The following OSBPL6 variants were observed in gnomAD, a reference collection of about 807,000 sequenced individuals.
OSBPL6 encodes the protein oxysterol-binding protein-related protein 6.
Under a neutral mutation model 125.8 loss-of-function variants are expected in OSBPL6, and 49 were observed. The ratio of observed to expected loss-of-function variants is 0.39; its 90% confidence interval spans 0.31 to 0.49. OSBPL6 has a LOEUF of 0.49. Ranked by LOEUF, OSBPL6 falls within the 20% of genes least tolerant of loss-of-function variation. The pLI is 0.88. For synonymous variants in OSBPL6, 394 were observed against 391.8 expected (o/e 1.01, Z -0.07); for missense variants, 986 against 1,135.4 (o/e 0.87, Z 1.89).
At chr2:178,380,231 T>A (rs1020564282) in intron 15 of OSBPL6, among the ~76,000 whole-genome samples, 2 of 151,988 alleles carry the variant, frequency 1.3e-5, no homozygotes, top group Non-Finnish European at 2.9e-5. Context: ...GAAGGATTGC[T>A]TGAAGCTAGG....
chr2:178,339,172 T>A, intron 10 of OSBPL6, 78 bp downstream of exon 10: 1 of 788,878 alleles, frequency 1.3e-6, no homozygotes, highest in East Asian at 2.9e-5. Context: ...TATGAATATA[T>A]AAGGTAACAT....
intron 1 of OSBPL6, among the ~76,000 whole-genome samples, chr2:178,195,806 AT>A (rs60984895): frequency 0.45 from 67,808 of 151,014 alleles, 15,601 homozygotes; most frequent in East Asian, 0.73. Context: ...TTCAGTTGTG[AT>A]TTTTTTTTTC....
chr2:178,377,064 C>G (rs1261886297), intron 15 of OSBPL6, among the ~76,000 whole-genome samples: 2 of 152,194 alleles, frequency 1.3e-5, no homozygotes. Flanking sequence ...CTCATCTGCC[C>G]AAGTCTCTAA....
chr2:178,337,360 G>T (rs1015961390), intron 9 of OSBPL6, among the ~76,000 whole-genome samples: 2 of 152,032 alleles, frequency 1.3e-5, no homozygotes, highest in Admixed American at 6.5e-5. Flanking sequence ...CCAACCAAAA[G>T]AATTTTTTCT....
Position 178,257,537 on chromosome 2 carries a change from G to A in OSBPL6, c.-350-27390G>A, listed in dbSNP as rs16866191. On this transcript the variant is annotated intron_variant, in intron 1 of 24. Transcript: ENST00000190611. ...CTTCAACAAGGAATATGGCCTATGA[G>A]TAATTACAAATCCTCATTACTATGA... 4.4e-3 allele frequency among the ~76,000 whole-genome samples: 665 copies of A among 152,212 alleles called. 15 individuals are homozygous for A. In the East Asian group the frequency reaches 0.068, roughly 16 times the overall value.
chr2:178,327,343 C>T (rs12467053), intron 4 of OSBPL6, among the ~76,000 whole-genome samples: 26,159 of 152,072 alleles, frequency 0.17, 2,571 homozygotes, highest in Admixed American at 0.31. Context: ...TGAACACAAA[C>T]TTCCAAATCT....
At chr2:178,217,189 T>C (rs1358864553) in intron 1 of OSBPL6, among the ~76,000 whole-genome samples, 1 of 152,184 alleles carries the variant, frequency 6.6e-6, no homozygotes, top group Non-Finnish European at 1.5e-5. Flanking sequence ...TGCTGAAGAC[T>C]AAATAATCCA....
chr2:178,302,615 AAAC>A (rs1052237278), intron 2 of OSBPL6, among the ~76,000 whole-genome samples: 20 of 152,316 alleles, frequency 1.3e-4, no homozygotes, highest in African/African-American at 3.1e-4. Flanking sequence ...AAATTAATAG[AAAC>A]AACAACAATA....
chr2:178,344,319 A>G, intron 11 of OSBPL6: 1 of 1,614,040 alleles, frequency 6.2e-7, no homozygotes. Context: ...GTTCAGCACA[A>G]CTCGGCGCCG....
intron 3 of OSBPL6, among the ~76,000 whole-genome samples, chr2:178,311,835 G>A (rs1042326715): frequency 1.3e-5 from 2 of 152,174 alleles, no homozygotes; most frequent in Non-Finnish European, 2.9e-5. Context: ...GAGAGTGGAC[G>A]TGTGATGGAA....
chr2:178,265,191 CTTTTTTTTTTTTTTTTTTTTTTTTTTT>C (rs376718500), intron 1 of OSBPL6, among the ~76,000 whole-genome samples: 2 of 33,674 alleles, frequency 5.9e-5, no homozygotes, highest in African/African-American at 2.4e-4. Flanking sequence ...CCAGACGAGA[CTTTTTTTTTTTTTTTTTTTTTTTTTTT>C]TTTTTTTTTT....
At chr2:178,220,133 C>T (rs1401238686) in intron 1 of OSBPL6, among the ~76,000 whole-genome samples, 2 of 152,138 alleles carry the variant, frequency 1.3e-5, no homozygotes, top group African/African-American at 4.8e-5. Context: ...GAACCTGAGG[C>T]ATACACATAA....
chr2:178,357,852 A>G (rs566046632), intron 12 of OSBPL6, among the ~76,000 whole-genome samples: 2 of 152,362 alleles, frequency 1.3e-5, no homozygotes, highest in South Asian at 2.1e-4. Flanking sequence ...CATCAATGAT[A>G]GACTGGATTA....
At chr2:178,211,001 G>A (rs1251855930) in intron 1 of OSBPL6, among the ~76,000 whole-genome samples, 1 of 151,658 alleles carries the variant, frequency 6.6e-6, no homozygotes, top group African/African-American at 2.4e-5. Flanking sequence ...TAAAATCGAG[G>A]CTAGGTGCAG....
At chr2:178,350,130 C>A (rs1188584342) in intron 12 of OSBPL6, among the ~76,000 whole-genome samples, 5 of 152,118 alleles carry the variant, frequency 3.3e-5, no homozygotes. Context: ...CACATTTGAG[C>A]CTCTTCTTTA....
At chr2:178,319,968 C>T (rs1042884378) in intron 3 of OSBPL6, among the ~76,000 whole-genome samples, 40 of 152,314 alleles carry the variant, frequency 2.6e-4, no homozygotes, top group Admixed American at 2.4e-3. Flanking sequence ...CTCTTTACTA[C>T]TGTCCTAAAT....
At chr2:178,346,803 T>C (rs1023534517) in intron 11 of OSBPL6, among the ~76,000 whole-genome samples, 2 of 152,222 alleles carry the variant, frequency 1.3e-5, no homozygotes, top group Non-Finnish European at 2.9e-5. Context: ...TACATCCCAA[T>C]TTGTATTCTC....
chr2:178,262,202 G>C (rs1448098664), intron 1 of OSBPL6, among the ~76,000 whole-genome samples: 1 of 152,126 alleles, frequency 6.6e-6, no homozygotes, highest in African/African-American at 2.4e-5. Flanking sequence ...ATAAAGCATA[G>C]AGATAGAATT....
At chr2:178,374,753 C>A (rs1475031642) in intron 15 of OSBPL6, among the ~76,000 whole-genome samples, 1 of 152,122 alleles carries the variant, frequency 6.6e-6, no homozygotes, top group Non-Finnish European at 1.5e-5. Flanking sequence ...GAAATGAAAT[C>A]ATTGCTAAAC....
Sources: allele counts gnomAD v4.1 joint callset (sites outside exome capture counted in the v4.1 genomes callset), GRCh38; gene constraint gnomAD v4.1.1; transcripts MANE v1.5; gene names NCBI Gene and HGNC (gene_info 2026-07-23, HGNC 2026-07-21).